Variants in TENM2 observed in about 807,000 individuals in gnomAD.
TENM2 encodes the protein teneurin transmembrane protein 2.
Under a neutral mutation model 245.2 loss-of-function variants are expected in TENM2, and 52 were observed. That is an observed-to-expected ratio of 0.21 (90% CI 0.17 to 0.27). The LOEUF is 0.27. Among genes scored for constraint, TENM2 ranks in the 10% least tolerant of loss-of-function variants. The probability of loss-of-function intolerance (pLI) is 1.00; values close to 1 mark genes in which losing one functional copy is unlikely to be tolerated. For synonymous variants in TENM2, 1,363 were observed against 1,438.9 expected (o/e 0.95, Z 1.19); for missense variants, 3,046 against 3,666.8 (o/e 0.83, Z 4.37).
chr5:167,389,900 G>A (rs140737988), intron 2 of TENM2, among the ~76,000 whole-genome samples: 20 of 152,210 alleles, frequency 1.3e-4, no homozygotes, highest in African/African-American at 4.6e-4. Flanking sequence ...TGTATTCATT[G>A]TCTACGTGTA....
At chr5:167,537,250 C>A (rs200799224) in intron 2 of TENM2, among the ~76,000 whole-genome samples, 1,540 of 108,192 alleles carry the variant, frequency 0.014, no homozygotes, top group African/African-American at 0.018. Context: ...CCATCTCTAC[C>A]AAAAAAAAAA....
At chr5:167,282,576 T>C (rs1269360650), upstream of TENM2, among the ~76,000 whole-genome samples, 1 of 152,206 alleles carries the variant, frequency 6.6e-6, no homozygotes, top group African/African-American at 2.4e-5. Context: ...GAGTAGATGC[T>C]ATTATTTTCT....
At chr5:167,590,880 G>A (rs534784064) in intron 2 of TENM2, among the ~76,000 whole-genome samples, 24 of 152,276 alleles carry the variant, frequency 1.6e-4, no homozygotes, top group African/African-American at 5.1e-4. Flanking sequence ...ATACAATGAT[G>A]TAAGAAATTT....
chr5:168,197,257 TTTACTAAAAAAGACCAAATGTG>T (rs1476902813), intron 15 of TENM2, among the ~76,000 whole-genome samples: 1 of 152,158 alleles, frequency 6.6e-6, no homozygotes, highest in Non-Finnish European at 1.5e-5. Context: ...TTCATTCACA[TTTACTAAAAAAGACCAAATGTG>T]TTACTAAGAT....
At chr5:168,163,737 A>G (rs1757952197) in intron 13 of TENM2, among the ~76,000 whole-genome samples, 1 of 152,204 alleles carries the variant, frequency 6.6e-6, no homozygotes, top group Admixed American at 6.5e-5. Flanking sequence ...TCTAAATTAC[A>G]AAGTTTTCCA....
At chr5:167,684,406 C>T (rs1171715936) in intron 2 of TENM2, among the ~76,000 whole-genome samples, 3 of 152,192 alleles carry the variant, frequency 2.0e-5, no homozygotes, top group African/African-American at 7.2e-5. Flanking sequence ...CTGTATCTAC[C>T]TGATCGAGAT....
intron 2 of TENM2, among the ~76,000 whole-genome samples, chr5:167,490,511 G>C (rs1222933287): frequency 6.6e-6 from 1 of 151,878 alleles, no homozygotes; most frequent in Non-Finnish European, 1.5e-5. Flanking sequence ...TGCATTCCAG[G>C]ATTTTTATTG....
intron 2 of TENM2, among the ~76,000 whole-genome samples, chr5:167,866,817 A>G (rs1177013805): frequency 1.3e-5 from 2 of 152,242 alleles, no homozygotes; most frequent in Non-Finnish European, 2.9e-5. Flanking sequence ...AGTCTAGGCT[A>G]TGCTGTCCAA....
chr5:167,565,842 A>T (rs1451003341), intron 2 of TENM2, among the ~76,000 whole-genome samples: 2 of 152,148 alleles, frequency 1.3e-5, no homozygotes, highest in Non-Finnish European at 2.9e-5. Flanking sequence ...GGTCATGAAA[A>T]CACCCAAAAA....
intron 13 of TENM2, among the ~76,000 whole-genome samples, chr5:168,177,989 A>G (rs891821932): frequency 2.0e-5 from 3 of 152,220 alleles, no homozygotes; most frequent in African/African-American, 7.2e-5. Flanking sequence ...AGCTCGTAGA[A>G]TAGCCAAGTC....
the TENM2 span, among the ~76,000 whole-genome samples, chr5:167,226,187 C>T: frequency 6.6e-6 from 1 of 151,706 alleles, no homozygotes; most frequent in East Asian, 1.9e-4. Flanking sequence ...AAAATTTCTT[C>T]TTCTAATTTT....
chr5:167,593,245 A>T (rs550292827), intron 2 of TENM2, among the ~76,000 whole-genome samples: 1 of 152,316 alleles, frequency 6.6e-6, no homozygotes, highest in Admixed American at 6.5e-5. Flanking sequence ...TACAAAAAAG[A>T]TGACTTTGAG....
rs376561947 is a variant in TENM2 at position 167,766,833 on chromosome 5, C to T, written c.503-109153C>T. Among the ~76,000 whole-genome samples, 5 of 152,090 alleles carry T rather than the reference C, an allele frequency of 3.3e-5. No individual in the cohort carries two copies. In the South Asian group the frequency reaches 6.2e-4, roughly 19 times the overall value. On this transcript the variant is annotated intron_variant, in intron 2 of 28. Coordinates refer to ENST00000518659, the Ensembl canonical transcript of TENM2. ...GGCGAAGGTTGCAGTGAGCCAAGAT[C>T]GTGCCACTACACTCCAGCCTGGGAG...
In TENM2 at chr5:167,781,351, C is replaced by T. The variant is rs964960912; in HGVS notation, c.503-94635C>T. Reference sequence around the variant, plus strand: ...TTACAAAATAGTGATGCAAAATTTCCAAATACCTTTATTGGAGCAAAATGT... The same window carrying T: ...TTACAAAATAGTGATGCAAAATTTCTAAATACCTTTATTGGAGCAAAATGT... On this transcript the variant is annotated intron_variant, in intron 2 of 28. Coordinates refer to ENST00000518659, the Ensembl canonical transcript of TENM2. Among the ~76,000 whole-genome samples the T allele has an allele frequency of 4.6e-5, 7 of 151,968 alleles. No individual in the cohort carries two copies. The East Asian group carries it at 1.3e-3, about 29-fold the overall frequency.
intron 2 of TENM2, among the ~76,000 whole-genome samples, chr5:167,485,289 G>T (rs368579772): frequency 1.1e-4 from 17 of 152,092 alleles, no homozygotes; most frequent in Non-Finnish European, 1.9e-4. Flanking sequence ...AGGAAGAAGC[G>T]GAGACACTAA....
At chr5:167,302,371 G>A (rs948329860) in intron 1 of TENM2, among the ~76,000 whole-genome samples, 23 of 151,902 alleles carry the variant, frequency 1.5e-4, no homozygotes, top group African/African-American at 5.3e-4. Context: ...GAGGGTGGAA[G>A]GTTGCTCATA....
chr5:168,026,093 T>C (rs552751938), intron 5 of TENM2, among the ~76,000 whole-genome samples: 1 of 152,228 alleles, frequency 6.6e-6, no homozygotes, highest in African/African-American at 2.4e-5. Context: ...AGGTATGATG[T>C]AATTTCTTTG....
chr5:167,040,384 C>T, the TENM2 span, among the ~76,000 whole-genome samples: 1 of 151,982 alleles, frequency 6.6e-6, no homozygotes, highest in African/African-American at 2.4e-5. Flanking sequence ...CGATAAAGTC[C>T]CCAGGTGAGC....
intron 2 of TENM2, among the ~76,000 whole-genome samples, chr5:167,398,427 T>A (rs966609539): frequency 2.0e-5 from 3 of 150,388 alleles, no homozygotes; most frequent in Admixed American, 1.3e-4. Context: ...TCTCTCTCTT[T>A]CTTACTATTT....
Sources: gnomAD v4.1 joint callset for allele counts (sites outside exome capture counted in the v4.1 genomes callset) on GRCh38, gnomAD v4.1.1 for gene constraint, MANE v1.5 for transcripts, NCBI Gene and HGNC (gene_info 2026-07-23, HGNC 2026-07-21) for gene names.